NAV1: variants seen among roughly 807,000 people sequenced by gnomAD.
The protein encoded by NAV1 is neuron navigator 1.
Under a neutral mutation model 175.2 loss-of-function variants are expected in NAV1, and 18 were observed. That is an observed-to-expected ratio of 0.10 (90% confidence interval 0.07 to 0.15). The LOEUF (loss-of-function observed/expected upper bound fraction) is 0.15, where lower values mean the gene tolerates loss of function less well. Among genes scored for constraint, NAV1 ranks in the 10% least tolerant of loss-of-function variants. The probability of loss-of-function intolerance (pLI) is 1.00; values close to 1 mark genes in which losing one functional copy is unlikely to be tolerated. For synonymous variants in NAV1, 897 were observed against 978.7 expected (o/e 0.92, Z 1.56); for missense variants, 1,731 against 2,436.6 (o/e 0.71, Z 6.10).
intron 2 of NAV1, among the ~76,000 whole-genome samples, chr1:201,598,510 C>G (rs1009299217): frequency 8.5e-5 from 13 of 152,162 alleles, no homozygotes; most frequent in Non-Finnish European, 1.6e-4. Flanking sequence ...AAGTGTGTGT[C>G]CTGGTGAGGA....
chr1:201,682,368 G>A (rs889146779), intron 1 of NAV1, among the ~76,000 whole-genome samples: 1 of 152,096 alleles, frequency 6.6e-6, no homozygotes, highest in African/African-American at 2.4e-5. Context: ...AGGTTCTTTT[G>A]AACCTTTGTG....
intron 28 of NAV1, among the ~76,000 whole-genome samples, chr1:201,816,540 A>G (rs1679040110): frequency 6.6e-6 from 1 of 152,188 alleles, no homozygotes; most frequent in Admixed American, 6.5e-5. Flanking sequence ...AATATTTTTT[A>G]AAGTTTTAAT....
At chr1:201,819,776 C>T (rs1679281471) in intron 29 of NAV1, 61 bp from the exon 34 acceptor site, 1 of 1,457,642 alleles carries the variant, frequency 6.9e-7, no homozygotes, top group African/African-American at 1.4e-5. Context: ...TGTTGTTTCC[C>T]TTCTGTGGGC....
chr1:201,723,197 G>A (rs1055017010), intron 3 of NAV1: 2 of 152,200 alleles, frequency 1.3e-5, no homozygotes, highest in Non-Finnish European at 2.9e-5. Flanking sequence ...ATATGGAGCA[G>A]CTTTATGTAC....
chr1:201,793,875 G>T (rs1415646833), exon 14 of NAV1: 1 of 1,562,540 alleles, frequency 6.4e-7, no homozygotes, highest in Non-Finnish European at 8.7e-7. Context: ...CCGAGGAGAA[G>T]GTGAGAGGCC....
chr1:201,678,375 A>G (rs1022137022), intron 1 of NAV1, among the ~76,000 whole-genome samples: 1 of 152,206 alleles, frequency 6.6e-6, no homozygotes, highest in Admixed American at 6.5e-5. Context: ...AAGAAACTGA[A>G]CTAAGCACTT....
intron 3 of NAV1, among the ~76,000 whole-genome samples, chr1:201,770,443 G>A (rs1675498755): frequency 6.6e-6 from 1 of 152,168 alleles, no homozygotes; most frequent in Non-Finnish European, 1.5e-5. Context: ...AGCACTCAAG[G>A]GGCTAATTTA....
chr1:201,774,218 AG>A (rs1265485720), intron 3 of NAV1, among the ~76,000 whole-genome samples: 1 of 152,224 alleles, frequency 6.6e-6, no homozygotes, highest in Admixed American at 6.5e-5. Flanking sequence ...GAGTGAGCAA[AG>A]AAATTCTTTC....
At chr1:201,604,980 ATATT>A (rs770826847) in intron 2 of NAV1, among the ~76,000 whole-genome samples, 26 of 152,298 alleles carry the variant, frequency 1.7e-4, no homozygotes, top group Admixed American at 1.5e-3. Context: ...TTTTGTCTAA[ATATT>A]TATTCATCCT....
intron 1 of NAV1, among the ~76,000 whole-genome samples, chr1:201,654,509 G>A (rs1180900356): frequency 6.7e-6 from 1 of 149,958 alleles, no homozygotes; most frequent in African/African-American, 2.5e-5. Flanking sequence ...CACATATACC[G>A]CACCTCACAG....
rs1485089928 is a variant in NAV1, at chr1:201,812,001, T to G, written c.5024+27T>G. 1 of 1,605,682 alleles carries G rather than the reference T, an allele frequency of 6.2e-7. No homozygotes were observed. The highest frequency in any genetic ancestry group is 1.3e-5 in the African/African-American group (1 of 74,730). On this transcript the variant is annotated intron_variant, in intron 26 of 29. Transcript: ENST00000367296. The surrounding 1 kb of genome is among the most constrained non-coding windows in gnomAD (Gnocchi z 4.6). ...TAAGACCTCTAGCTCTGGATGAACC[T>G]TCTGACCCTACCCAAGAGTCTTCAA...
At chr1:201,610,409 A>G (rs1250899822) in intron 2 of NAV1, among the ~76,000 whole-genome samples, 3 of 152,220 alleles carry the variant, frequency 2.0e-5, no homozygotes, top group Non-Finnish European at 4.4e-5. Flanking sequence ...AGGTTGTGAG[A>G]AACAAGCCCC....
chr1:201,757,004 T>A (rs1674555071), intron 3 of NAV1, among the ~76,000 whole-genome samples: 1 of 152,108 alleles, frequency 6.6e-6, no homozygotes, highest in Admixed American at 6.6e-5. Context: ...CATAGGAGTA[T>A]GTTAAAGTAG....
In NAV1 at chr1:201,799,991, T is replaced by TTTTA. The variant is rs900280095; in HGVS notation, c.3518-3582_3518-3579dup. Among the ~76,000 whole-genome samples, 12 of 151,946 alleles carry TTTTA rather than the reference T, an allele frequency of 7.9e-5. 1 individual carries two copies. Among genetic ancestry groups the TTTTA allele is most frequent in the South Asian group, 6.2e-4 (3 of 4,828 alleles). On this transcript the variant is annotated intron_variant, in intron 15 of 29. Coordinates refer to ENST00000367296, the Ensembl canonical transcript of NAV1. ...CTACCCTTTATTTTTTATTTTTTAT[T>TTTTA]TTTATTTATTTATTTATTTATTTTT...
chr1:201,648,781 A>G (rs2102331001), exon 1 of NAV1: 2 of 1,415,286 alleles, frequency 1.4e-6, no homozygotes, highest in South Asian at 1.6e-5. Context: ...GCAGCGGCGG[A>G]CGGCAGAGGC....
intron 1 of NAV1, among the ~76,000 whole-genome samples, chr1:201,684,674 C>T (rs1571882803): frequency 6.6e-6 from 1 of 151,964 alleles, no homozygotes; most frequent in African/African-American, 2.4e-5. Context: ...GGGGTTTCAC[C>T]ATGTTGGCCA....
At chr1:201,627,050 G>A (rs1484695938) in intron 1 of NAV1, among the ~76,000 whole-genome samples, 1 of 152,162 alleles carries the variant, frequency 6.6e-6, no homozygotes, top group African/African-American at 2.4e-5. Context: ...TCATATTAAT[G>A]GCAGCAACAA....
intron 1 of NAV1, among the ~76,000 whole-genome samples, chr1:201,705,234 T>C (rs1671619704): frequency 2.0e-5 from 3 of 152,332 alleles, no homozygotes; most frequent in South Asian, 2.1e-4. Context: ...TCTCACTCAG[T>C]GAAAATCAAA....
rs537633960 is a variant in NAV1, at chr1:201,561,564, AAGTT to A, written c.-144+22227_-144+22230del. 2.0e-3 allele frequency among the ~76,000 whole-genome samples: 312 copies of A among 152,298 alleles called. 2 individuals are homozygous for A. The highest frequency in any genetic ancestry group is 0.01 in the Middle Eastern group (3 of 294). On this transcript the variant is annotated intron_variant, in intron 1 of 33. Transcript: ENST00000685211. ...CTGGCATATGCTAGACATTCAATAAAAGTTAGTTTCCTTCACTTCCATTATCCAT... is the reference window on the plus strand; with the variant it reads ...CTGGCATATGCTAGACATTCAATAAAAGTTTCCTTCACTTCCATTATCCAT...
Sources: gnomAD v4.1 joint callset for allele counts (sites outside exome capture counted in the v4.1 genomes callset) on GRCh38, gnomAD v4.1.1 for gene constraint, Gnocchi (gnomAD v3.1) non-coding constraint, MANE v1.5 for transcripts, NCBI Gene and HGNC (gene_info 2026-07-23, HGNC 2026-07-21) for gene names.